LTBP1: variants seen among roughly 807,000 people sequenced by gnomAD.
LTBP1 encodes latent transforming growth factor beta binding protein 1.
LTBP1 carries 129 observed loss-of-function variants against 207.6 expected under a neutral mutation model. That is an observed-to-expected ratio of 0.62 (90% CI 0.54 to 0.72). The LOEUF (loss-of-function observed/expected upper bound fraction) is 0.72, where lower values mean the gene tolerates loss of function less well. Ranked by LOEUF, LTBP1 falls within the 30% of genes least tolerant of loss-of-function variation. LTBP1 has a pLI of 0.00. For synonymous variants in LTBP1, 963 were observed against 833.7 expected (o/e 1.16, Z -2.67); for missense variants, 2,281 against 2,217.2 (o/e 1.03, Z -0.58).
intron 19 of LTBP1, among the ~76,000 whole-genome samples, chr2:33,287,690 T>C (rs966897625): frequency 6.6e-6 from 1 of 152,246 alleles, no homozygotes; most frequent in African/African-American, 2.4e-5. Flanking sequence ...AGGATGTGCA[T>C]AGCATTCATT....
chr2:33,247,539 T>G (rs987320258), intron 10 of LTBP1, among the ~76,000 whole-genome samples: 2 of 152,240 alleles, frequency 1.3e-5, no homozygotes, highest in African/African-American at 2.4e-5. Context: ...TAATGCTGCT[T>G]TTGTATTACA....
intron 24 of LTBP1, among the ~76,000 whole-genome samples, chr2:33,338,488 A>G (rs910045172): frequency 3.3e-5 from 5 of 152,154 alleles, no homozygotes; most frequent in Admixed American, 6.5e-5. Flanking sequence ...CACTCATTTT[A>G]GTAGGGAAAT....
rs931663164 is a variant in LTBP1 at position 33,175,657 on chromosome 2, T to C, written c.1202-11199T>C. ...GACCGAGCCATCCCATTACTGGGTA[T>C]ATACCCAAAGGACTATAAATCATGC... is the stretch of plus-strand genomic sequence containing the variant. On this transcript the variant is annotated intron_variant, in intron 5 of 33. Transcript: ENST00000404816. 5.9e-5 allele frequency among the ~76,000 whole-genome samples: 9 copies of C among 152,326 alleles called. No individual in the cohort carries two copies. The East Asian group carries it at 1.7e-3, about 29-fold the overall frequency.
chr2:33,004,569 C>T (rs1686504602), intron 2 of LTBP1, among the ~76,000 whole-genome samples: 1 of 151,316 alleles, frequency 6.6e-6, no homozygotes, highest in Non-Finnish European at 1.5e-5. Flanking sequence ...CTCAGGTGGG[C>T]AGATCTCTTG....
Position 33,020,254 on chromosome 2 carries a change from GAC to G in LTBP1, c.566-651_566-650del, listed in dbSNP as rs550749393. On this transcript the variant is annotated intron_variant, in intron 2 of 33. Coordinates refer to ENST00000404816, the MANE Select transcript of LTBP1 (RefSeq NM_206943.4). ...AAAGAGTAGATTGGACTAAATTTCT[GAC>G]ACAGTCTCTCGAAGATCTGATAGCC... Among the ~76,000 whole-genome samples the G allele has an allele frequency of 1.2e-3, 190 of 152,168 alleles. 1 individual carries two copies. The highest frequency in any genetic ancestry group is 6.8e-3 in the Middle Eastern group (2 of 294).
Position 32,947,720 on chromosome 2 carries a change from C to T in LTBP1, c.396C>T (p.Thr132=), listed in dbSNP as rs1184859383. ...GCCACCCGGCAGCCGCCCCGTTCAC[C>T]AAACAAGGCAGGCAAGTTGTGCGCT... is the stretch of plus-strand genomic sequence containing the variant. ...PGGHPAAAPF[T]KQGRQVVRSK... Residue 132 remains threonine, a synonymous_variant, in exon 1 of 34, where the codon ACC becomes ACT. Transcript: ENST00000404816. 1 of 1,535,686 alleles carries T rather than the reference C, an allele frequency of 6.5e-7. No homozygotes were observed. The highest frequency in any genetic ancestry group is 2.0e-5 in the Admixed American group (1 of 50,390).
intron 31 of LTBP1, among the ~76,000 whole-genome samples, chr2:33,371,549 C>T (rs1047488187): frequency 1.4e-4 from 21 of 152,138 alleles, no homozygotes; most frequent in Admixed American, 1.1e-3. Context: ...GAATTTCTAG[C>T]GCTGTGAGAG....
chr2:33,398,643 C>A lies in LTBP1; in HGVS notation c.*98C>A. ...GAGACATTGCACCTACCCCGGAAGGCTGGAAATACAGAAACAGCATGGAAT... is the reference window on the plus strand; with the variant it reads ...GAGACATTGCACCTACCCCGGAAGGATGGAAATACAGAAACAGCATGGAAT... On this transcript the variant is annotated 3_prime_UTR_variant, in exon 34 of 34. Coordinates refer to ENST00000404816, the MANE Select transcript of LTBP1 (RefSeq NM_206943.4). 1 of 1,210,410 alleles carries A rather than the reference C, an allele frequency of 8.3e-7. No homozygotes were observed. 75.0% of individuals were successfully genotyped at this position (1,210,410 alleles called of 1,614,324 possible).
intron 7 of LTBP1, among the ~76,000 whole-genome samples, chr2:33,191,166 A>G (rs1391242881): frequency 1.3e-5 from 2 of 152,238 alleles, no homozygotes; most frequent in Non-Finnish European, 2.9e-5. Flanking sequence ...AACACAGATG[A>G]TAAAAAGCAA....
chr2:32,993,555 A>G (rs1443065053), intron 2 of LTBP1, among the ~76,000 whole-genome samples: 2 of 152,196 alleles, frequency 1.3e-5, no homozygotes, highest in African/African-American at 4.8e-5. Flanking sequence ...ACTTTTAGAA[A>G]AAGCCTATTG....
intron 4 of LTBP1, among the ~76,000 whole-genome samples, chr2:33,118,220 A>G (rs4952341): frequency 0.12 from 17,647 of 151,796 alleles, 1,539 homozygotes; most frequent in East Asian, 0.46. Context: ...AAAAACAACA[A>G]AAAAAACTGT....
chr2:33,201,573 A>G (rs1464393514), intron 7 of LTBP1, among the ~76,000 whole-genome samples: 2 of 152,098 alleles, frequency 1.3e-5, no homozygotes, highest in African/African-American at 4.8e-5. Context: ...GCACATGTAT[A>G]CATATGTAAC....
In LTBP1 at chr2:33,188,565, A is replaced by G. The variant is rs1292416605; in HGVS notation, c.1427-12A>G. 1.2e-6 allele frequency: 2 copies of G among 1,601,406 alleles called. No homozygotes were observed. The highest frequency in any genetic ancestry group is 2.2e-5 in the East Asian group (1 of 44,712). On this transcript the variant is annotated splice_polypyrimidine_tract_variant and intron_variant, in intron 6 of 33. Transcript: ENST00000404816. Reference sequence around the variant, plus strand: ...TTCAGGACTAACAAGTTTTCCTCCCAATCTGTTGTAGTGAAATTTCCTCCT... The same window carrying G: ...TTCAGGACTAACAAGTTTTCCTCCCGATCTGTTGTAGTGAAATTTCCTCCT...
chr2:32,992,093 G>A (rs144296308), intron 2 of LTBP1, among the ~76,000 whole-genome samples: 2 of 152,258 alleles, frequency 1.3e-5, no homozygotes, highest in South Asian at 2.1e-4. Context: ...TACGATATCT[G>A]CTCAATTCAA....
chr2:33,255,466 G>A (rs2092824358), intron 11 of LTBP1, among the ~76,000 whole-genome samples: 2 of 152,006 alleles, frequency 1.3e-5, no homozygotes, highest in Admixed American at 1.3e-4. Context: ...ATTTGACCCA[G>A]CCATCCCATT....
At chr2:33,365,616 A>T in intron 31 of LTBP1, 113 bp downstream of exon 31, 3 of 994,170 alleles carry the variant, frequency 3.0e-6, no homozygotes, top group African/African-American at 3.8e-5. Flanking sequence ...CTGATATCTT[A>T]CTTTCATCCC....
chr2:32,947,387 G>T lies in LTBP1; in HGVS notation c.63G>T (p.Ala21=). Residue 21 remains alanine (A), a synonymous_variant, in exon 1 of 34, where the codon GCG becomes GCT. Transcript: ENST00000404816. ...GGGCAGGGCTCCTCGCGTCCTCGGC[G>T]CACGGCCGGCTGCGGAGGATCACCT... ...LLWAGLLASS[A]HGRLRRITYV... 1 of 1,394,580 alleles carries T rather than the reference G, an allele frequency of 7.2e-7. No homozygotes were observed. The highest frequency in any genetic ancestry group is 3.0e-5 in the Admixed American group (1 of 33,450). 86.4% of individuals were successfully genotyped at this position (1,394,580 alleles called of 1,614,324 possible).
intron 2 of LTBP1, among the ~76,000 whole-genome samples, chr2:32,960,034 G>A (rs1220228683): frequency 6.6e-6 from 1 of 152,096 alleles, no homozygotes; most frequent in East Asian, 1.9e-4. Context: ...TATGATTATT[G>A]TAAAAGCTAT....
intron 24 of LTBP1, among the ~76,000 whole-genome samples, chr2:33,336,715 A>G (rs551975048): frequency 6.6e-6 from 1 of 152,314 alleles, no homozygotes; most frequent in African/African-American, 2.4e-5. Context: ...CTAATAGATG[A>G]GTACGTTTTG....
Sources: allele counts gnomAD v4.1 joint callset (sites outside exome capture counted in the v4.1 genomes callset), GRCh38; gene constraint gnomAD v4.1.1; transcripts MANE v1.5; gene names NCBI Gene and HGNC (gene_info 2026-07-23, HGNC 2026-07-21).